NEGR1: variants seen among roughly 807,000 people sequenced by gnomAD.
The protein encoded by NEGR1 is IgLON family member 4.
Under a neutral mutation model 40.9 loss-of-function variants are expected in NEGR1, and 10 were observed. That is an observed-to-expected ratio of 0.24 (90% CI 0.15 to 0.42). The LOEUF (loss-of-function observed/expected upper bound fraction) is 0.42, where lower values mean the gene tolerates loss of function less well. Ranked by LOEUF, NEGR1 falls within the 10% of genes least tolerant of loss-of-function variation. The probability of loss-of-function intolerance (pLI) is 1.00; values close to 1 mark genes in which losing one functional copy is unlikely to be tolerated. For synonymous variants in NEGR1, 185 were observed against 166.8 expected (o/e 1.11, Z -0.84); for missense variants, 352 against 438.9 (o/e 0.80, Z 1.77).
chr1:71,597,472 CTGTGTG>C (rs1553152644), intron 5 of NEGR1, among the ~76,000 whole-genome samples: 1 of 31,326 alleles, frequency 3.2e-5, no homozygotes, highest in African/African-American at 1.0e-4. Context: ...CTCTCTCTCT[CTGTGTG>C]TGTGTGTGTG....
At chr1:71,477,995 C>T (rs990021603) in intron 6 of NEGR1, among the ~76,000 whole-genome samples, 2 of 151,572 alleles carry the variant, frequency 1.3e-5, no homozygotes, top group Non-Finnish European at 2.9e-5. Context: ...ATTACTTTAT[C>T]AGTGTTTTCT....
intron 6 of NEGR1, among the ~76,000 whole-genome samples, chr1:71,458,090 C>A (rs1224362659): frequency 1.3e-5 from 2 of 152,270 alleles, no homozygotes; most frequent in East Asian, 3.9e-4. Context: ...TATCCTAGAT[C>A]TATTTAACTG....
rs568050242 is a variant in NEGR1 at position 71,925,451 on chromosome 1, A to G, written c.409+9628T>C. 3.3e-5 allele frequency among the ~76,000 whole-genome samples: 5 copies of G among 152,330 alleles called. No individual in the cohort carries two copies. In the South Asian group the frequency reaches 8.3e-4, roughly 25 times the overall value. On this transcript the variant is annotated intron_variant, in intron 2 of 6. Coordinates refer to ENST00000357731, the MANE Select transcript of NEGR1 (RefSeq NM_173808.3). ...GGTGGCGAAGTATGGGAAGAGAGATATTGGAACATAGCCTCACTCTAATTC... is the reference window on the plus strand; with the variant it reads ...GGTGGCGAAGTATGGGAAGAGAGATGTTGGAACATAGCCTCACTCTAATTC...
intron 6 of NEGR1, among the ~76,000 whole-genome samples, chr1:71,488,481 T>A (rs1366211207): frequency 2.6e-5 from 4 of 151,790 alleles, no homozygotes; most frequent in African/African-American, 9.7e-5. Context: ...AGTTTGAGAT[T>A]CTGAAATCAG....
chr1:71,507,957 C>T (rs989973711), intron 6 of NEGR1, among the ~76,000 whole-genome samples: 5 of 152,110 alleles, frequency 3.3e-5, no homozygotes, highest in Non-Finnish European at 5.9e-5. Context: ...CCACCTTCCC[C>T]GCTAAAGAAG....
intron 3 of NEGR1, among the ~76,000 whole-genome samples, chr1:71,704,230 T>C (rs1653811545): frequency 6.6e-6 from 1 of 151,402 alleles, no homozygotes; most frequent in Non-Finnish European, 1.5e-5. Flanking sequence ...TTGTAACCTT[T>C]ACCTTAAGAA....
intron 1 of NEGR1, among the ~76,000 whole-genome samples, chr1:72,039,521 T>C (rs910286774): frequency 1.3e-5 from 2 of 151,972 alleles, no homozygotes; most frequent in Admixed American, 6.6e-5. Context: ...GCATTACCCA[T>C]TTTGCATTTA....
chr1:71,591,802 C>T (rs577269289), intron 6 of NEGR1, among the ~76,000 whole-genome samples: 2 of 152,082 alleles, frequency 1.3e-5, no homozygotes, highest in African/African-American at 4.8e-5. Flanking sequence ...TAATGTAAAG[C>T]TCATAAATCA....
At chr1:71,935,364 A>G in intron 1 of NEGR1, 53 bp from the exon 2 acceptor site, 1 of 1,245,254 alleles carries the variant, frequency 8.0e-7, no homozygotes, top group Non-Finnish European at 1.2e-6. Context: ...ATGAGAGACA[A>G]CATTATTTTG....
intron 1 of NEGR1, among the ~76,000 whole-genome samples, chr1:72,210,699 A>G (rs1183006403): frequency 2.0e-5 from 3 of 151,938 alleles, no homozygotes; most frequent in Admixed American, 1.3e-4. Flanking sequence ...AAGAAATGTG[A>G]ATCTTTTATG....
rs1553123598 is a variant in NEGR1, at chr1:71,943,037, C to CATATATATGTGTATATATATGTGTGTGT, written c.177-7754_177-7727dup. On this transcript the variant is annotated intron_variant, in intron 1 of 6. Coordinates refer to ENST00000357731, the MANE Select transcript of NEGR1 (RefSeq NM_173808.3). ...ATATGTGTATATATATACACACATA[C>CATATATATGTGTATATATATGTGTGTGT]ATATATATGTGTATATATATGTGTG... 1.3e-3 allele frequency among the ~76,000 whole-genome samples: 163 copies of CATATATATGTGTATATATATGTGTGTGT among 123,002 alleles called. 3 individuals carry two copies. Among genetic ancestry groups the CATATATATGTGTATATATATGTGTGTGT allele is most frequent in the Non-Finnish European group, 2.4e-3 (133 of 55,670 alleles). 80.7% of individuals were successfully genotyped at this position (123,002 alleles called of 152,430 possible).
At chr1:71,428,963 GAA>G (rs1646447367) in intron 6 of NEGR1, among the ~76,000 whole-genome samples, 1 of 152,028 alleles carries the variant, frequency 6.6e-6, no homozygotes. Context: ...AGGAAGAAAA[GAA>G]TACTTTAAAA....
intron 6 of NEGR1, among the ~76,000 whole-genome samples, chr1:71,504,398 G>T (rs1053104481): frequency 1.3e-5 from 2 of 151,996 alleles, no homozygotes; most frequent in Non-Finnish European, 2.9e-5. Flanking sequence ...CCCCTCACAG[G>T]AGACAAAGGA....
At chr1:71,583,055 A>G (rs964767168) in intron 6 of NEGR1, among the ~76,000 whole-genome samples, 1 of 152,042 alleles carries the variant, frequency 6.6e-6, no homozygotes, top group African/African-American at 2.4e-5. Flanking sequence ...TCTTTTGGTG[A>G]TGATTAAGTC....
chr1:72,160,881 T>A (rs961547717), intron 1 of NEGR1, among the ~76,000 whole-genome samples: 11 of 152,162 alleles, frequency 7.2e-5, no homozygotes, highest in Admixed American at 3.3e-4. Flanking sequence ...TTGTTGTCAA[T>A]CCTTTGGTTC....
intron 1 of NEGR1, among the ~76,000 whole-genome samples, chr1:72,207,995 TA>T (rs1653471485): frequency 1.3e-5 from 2 of 151,700 alleles, no homozygotes; most frequent in South Asian, 4.1e-4. Flanking sequence ...GAACTATAAG[TA>T]AACTGACACA....
intron 3 of NEGR1, among the ~76,000 whole-genome samples, chr1:71,726,919 T>C (rs1302133779): frequency 6.6e-5 from 10 of 152,062 alleles, no homozygotes; most frequent in East Asian, 1.9e-4. Flanking sequence ...ATCCTTCAGG[T>C]ATGCTTCCCT....
chr1:72,237,705 T>G (rs1043129247), intron 1 of NEGR1, among the ~76,000 whole-genome samples: 1 of 152,038 alleles, frequency 6.6e-6, no homozygotes, highest in Non-Finnish European at 1.5e-5. Context: ...GATAACAAAA[T>G]GTCTGTGATT....
chr1:71,901,594 TA>T (rs1386328480), intron 2 of NEGR1, among the ~76,000 whole-genome samples: 3 of 151,826 alleles, frequency 2.0e-5, no homozygotes, highest in Non-Finnish European at 4.4e-5. Flanking sequence ...AGTTCCCTCC[TA>T]ACCACAATGT....
Sources: allele counts gnomAD v4.1 joint callset (sites outside exome capture counted in the v4.1 genomes callset), GRCh38; gene constraint gnomAD v4.1.1; transcripts MANE v1.5; gene names NCBI Gene and HGNC (gene_info 2026-07-23, HGNC 2026-07-21).